The following RALGAPA2 variants were observed in gnomAD, a reference collection of about 807,000 sequenced individuals.
The protein encoded by RALGAPA2 is ral GTPase-activating protein subunit alpha-2.
RALGAPA2 carries 139 observed loss-of-function variants against 230.4 expected under a neutral mutation model. The ratio of observed to expected loss-of-function variants is 0.60; its 90% CI spans 0.53 to 0.69. The LOEUF is 0.69. Ranked by LOEUF, RALGAPA2 falls within the 30% of genes least tolerant of loss-of-function variation. The pLI is 0.00. For synonymous variants in RALGAPA2, 847 were observed against 837.8 expected, an observed-to-expected ratio of 1.01 and a Z score of -0.19; for missense variants, 2,163 against 2,276.0, an observed-to-expected ratio of 0.95 and a Z score of 1.01.
intron 27 of RALGAPA2, among the ~76,000 whole-genome samples, chr20:20,528,181 T>C (rs192297370): frequency 3.5e-4 from 53 of 152,134 alleles, no homozygotes; most frequent in African/African-American, 1.2e-3. Context: ...GTTACTGACA[T>C]GTAATGAAGG....
intron 35 of RALGAPA2, among the ~76,000 whole-genome samples, chr20:20,496,012 T>G (rs569728426): frequency 6.6e-6 from 1 of 152,132 alleles, no homozygotes; most frequent in South Asian, 2.1e-4. Flanking sequence ...TACCCGAGGA[T>G]GCATGAGTAG....
intron 1 of RALGAPA2, among the ~76,000 whole-genome samples, chr20:20,696,500 C>T (rs982263335): frequency 3.9e-5 from 6 of 152,124 alleles, no homozygotes; most frequent in Non-Finnish European, 7.3e-5. Context: ...CTGCTCTTTG[C>T]TTCACTGGAG....
intron 9 of RALGAPA2, among the ~76,000 whole-genome samples, chr20:20,634,344 AATCATT>A (rs1255942801): frequency 6.6e-6 from 1 of 152,162 alleles, no homozygotes; most frequent in African/African-American, 2.4e-5. Context: ...TCCCAGCAAT[AATCATT>A]ATCATTTTCA....
chr20:20,712,226 G>T lies in RALGAPA2; in HGVS notation c.106+149C>A. 1 of 745,178 alleles carries T rather than the reference G, an allele frequency of 1.3e-6. No homozygotes were observed. The allele number at this position is 745,178 out of a possible 1,614,324, so 46.2% of individuals were successfully genotyped here. A position where few individuals can be genotyped will look rare whatever the true frequency, so the allele number is the denominator to read the frequency against. On this transcript the variant is annotated intron_variant, in intron 1 of 39. Coordinates refer to ENST00000202677, the MANE Select transcript of RALGAPA2 (RefSeq NM_020343.4). This position sits in a 1 kb window ranked among gnomAD's most constrained non-coding sequence, Gnocchi z 5.5. ...GGCTTTCTGGAAACAAAGCCCCGGG[G>T]GTCCAAGCCCAGATCCAGGGAAGGG...
chr20:20,626,870 G>A (rs2066504062), intron 10 of RALGAPA2, among the ~76,000 whole-genome samples: 1 of 152,130 alleles, frequency 6.6e-6, no homozygotes, highest in Admixed American at 6.5e-5. Context: ...TTTAGCCCCT[G>A]TGACAGAGAC....
At chr20:20,658,878 AT>A (rs2067678575) in intron 3 of RALGAPA2, among the ~76,000 whole-genome samples, 1 of 152,246 alleles carries the variant, frequency 6.6e-6, no homozygotes, top group Non-Finnish European at 1.5e-5. Context: ...TTCACACTTG[AT>A]TTCAATTCCA....
rs1165028844 is a variant in RALGAPA2, at chr20:20,389,888, T to G, written c.*3401A>C. 2 of 152,100 alleles carry G rather than the reference T, an allele frequency of 1.3e-5. No homozygotes were observed. Among genetic ancestry groups the G allele is most frequent in the African/African-American group, 2.4e-5 (1 of 41,414 alleles). The allele number at this position is 152,100 out of a possible 1,614,324, so 9.4% of individuals were successfully genotyped here. ...TCAAATGACACGCTATAACTTAATTTACCATATTTATCAAATTTTTTCCTT... is the reference window on the plus strand; with the variant it reads ...TCAAATGACACGCTATAACTTAATTGACCATATTTATCAAATTTTTTCCTT... On this transcript the variant is annotated 3_prime_UTR_variant, in exon 40 of 40. Transcript: ENST00000202677.
At chr20:20,540,064 G>C (rs1297988426) in intron 24 of RALGAPA2, among the ~76,000 whole-genome samples, 2 of 152,198 alleles carry the variant, frequency 1.3e-5, no homozygotes, top group East Asian at 3.8e-4. Flanking sequence ...CTGCTGCACT[G>C]AACATGGGAG....
Position 20,649,181 on chromosome 20 carries a change from G to A in RALGAPA2, c.328+4349C>T, listed in dbSNP as rs1176478851. ...TGGGGTCCCTGATTTCACCCAGCCTGGCTGTGATGCACTTCTGAGGGAGTC... is the reference window on the plus strand; with the variant it reads ...TGGGGTCCCTGATTTCACCCAGCCTAGCTGTGATGCACTTCTGAGGGAGTC... On this transcript the variant is annotated intron_variant, in intron 4 of 39. Coordinates refer to ENST00000202677, the MANE Select transcript of RALGAPA2 (RefSeq NM_020343.4). Among the ~76,000 whole-genome samples, 4 of 152,290 alleles carry A rather than the reference G, an allele frequency of 2.6e-5. No individual in the cohort carries two copies. In the South Asian group the frequency reaches 8.3e-4, roughly 32 times the overall value.
chr20:20,582,670 G>T (rs1568607859), intron 20 of RALGAPA2, among the ~76,000 whole-genome samples: 2 of 152,112 alleles, frequency 1.3e-5, no homozygotes, highest in Non-Finnish European at 2.9e-5. Flanking sequence ...CTTAAGTTGG[G>T]TAGTAGACTC....
chr20:20,523,917 C>G (rs1312050737), intron 30 of RALGAPA2, among the ~76,000 whole-genome samples: 1 of 151,990 alleles, frequency 6.6e-6, no homozygotes, highest in Admixed American at 6.5e-5. Context: ...GGTAACTAAC[C>G]ACTGCTTCTT....
intron 36 of RALGAPA2, among the ~76,000 whole-genome samples, chr20:20,489,580 AG>A (rs2061998805): frequency 6.6e-6 from 1 of 151,286 alleles, no homozygotes; most frequent in Non-Finnish European, 1.5e-5. Flanking sequence ...AAAAAAAAAA[AG>A]AGCAAAAAAC....
At chr20:20,653,293 G>A (rs2067474399) in intron 4 of RALGAPA2, among the ~76,000 whole-genome samples, 1 of 151,578 alleles carries the variant, frequency 6.6e-6, no homozygotes, top group Non-Finnish European at 1.5e-5. Flanking sequence ...AAGCTTCTGG[G>A]TGAGGCTTAT....
intron 33 of RALGAPA2, among the ~76,000 whole-genome samples, chr20:20,507,249 G>A (rs6075667): frequency 0.085 from 12,895 of 152,092 alleles, 802 homozygotes; most frequent in African/African-American, 0.16. Flanking sequence ...AATATGTCAT[G>A]GCCCAAATCT....
chr20:20,547,943 CA>C (rs946088760), intron 23 of RALGAPA2, among the ~76,000 whole-genome samples: 1 of 152,104 alleles, frequency 6.6e-6, no homozygotes, highest in African/African-American at 2.4e-5. Flanking sequence ...AAATTGTCTG[CA>C]TATCAAACCA....
intron 16 of RALGAPA2, among the ~76,000 whole-genome samples, chr20:20,591,574 A>G (rs2065292641): frequency 6.6e-6 from 1 of 152,156 alleles, no homozygotes; most frequent in Non-Finnish European, 1.5e-5. Flanking sequence ...CCACAATAAA[A>G]GGTTAAGAAC....
chr20:20,483,533 G>C (rs2061831613), intron 36 of RALGAPA2, among the ~76,000 whole-genome samples: 1 of 152,032 alleles, frequency 6.6e-6, no homozygotes, highest in South Asian at 2.1e-4. Context: ...CATCACTAAG[G>C]CATCAGGACC....
intron 1 of RALGAPA2, among the ~76,000 whole-genome samples, chr20:20,696,150 C>A (rs1568766894): frequency 6.6e-6 from 1 of 152,130 alleles, no homozygotes; most frequent in African/African-American, 2.4e-5. Context: ...AAAGTGTTTC[C>A]GTCCTGTCTT....
intron 35 of RALGAPA2, among the ~76,000 whole-genome samples, chr20:20,500,924 G>A (rs963148500): frequency 5.3e-5 from 8 of 151,920 alleles, no homozygotes; most frequent in Non-Finnish European, 8.9e-5. Context: ...CTTGAGTGAT[G>A]AGGTACATTG....
Sources: gnomAD v4.1 joint callset for allele counts (sites outside exome capture counted in the v4.1 genomes callset) on GRCh38, gnomAD v4.1.1 for gene constraint, Gnocchi (gnomAD v3.1) non-coding constraint, MANE v1.5 for transcripts, NCBI Gene and HGNC (gene_info 2026-07-23, HGNC 2026-07-21) for gene names.